The following TCF7L2 variants were observed in gnomAD, a reference collection of about 807,000 sequenced individuals.
The protein encoded by TCF7L2 is transcription factor 7-like 2.
TCF7L2 carries 23 observed loss-of-function variants against 77.9 expected under a neutral mutation model. The observed-to-expected ratio is 0.30, with a 90% CI of 0.21 to 0.42. The LOEUF is 0.42. Ranked by LOEUF, TCF7L2 falls within the 10% of genes least tolerant of loss-of-function variation. The probability of loss-of-function intolerance (pLI) is 1.00; values close to 1 mark genes in which losing one functional copy is unlikely to be tolerated. For synonymous variants in TCF7L2, 413 were observed against 340.2 expected (o/e 1.21, Z -2.36); for missense variants, 654 against 793.1 (o/e 0.82, Z 2.11).
chr10:113,069,098 G>A (rs1328829577), intron 5 of TCF7L2, among the ~76,000 whole-genome samples: 2 of 151,916 alleles, frequency 1.3e-5, no homozygotes, highest in East Asian at 3.9e-4. Context: ...GTTTAGAAAG[G>A]AGGGCCCAGG....
intron 4 of TCF7L2, among the ~76,000 whole-genome samples, chr10:113,012,693 A>G (rs898763232): frequency 6.6e-6 from 1 of 152,188 alleles, no homozygotes; most frequent in Non-Finnish European, 1.5e-5. Context: ...TTTGTCATTT[A>G]CATACAAGCA....
chr10:113,044,101 G>A (rs1461270393), intron 5 of TCF7L2, among the ~76,000 whole-genome samples: 1 of 152,134 alleles, frequency 6.6e-6, no homozygotes, highest in Non-Finnish European at 1.5e-5. Flanking sequence ...GTACTTCTTG[G>A]TCTGGTGTGT....
intron 11 of TCF7L2, among the ~76,000 whole-genome samples, chr10:113,157,319 C>T (rs113530629): frequency 8.7e-4 from 133 of 152,198 alleles, no homozygotes; most frequent in African/African-American, 3.0e-3. Flanking sequence ...GGTTTCGCCA[C>T]GTTGGCCAGG....
At chr10:113,005,111 C>G (rs2045297246) in intron 4 of TCF7L2, among the ~76,000 whole-genome samples, 1 of 152,166 alleles carries the variant, frequency 6.6e-6, no homozygotes, top group East Asian at 1.9e-4. Context: ...TTTCCTGGCA[C>G]CTAGCACGTG....
At chr10:113,017,699 A>C (rs940392402) in intron 4 of TCF7L2, among the ~76,000 whole-genome samples, 2 of 152,106 alleles carry the variant, frequency 1.3e-5, no homozygotes, top group African/African-American at 4.8e-5. Flanking sequence ...CAGCAGAGAG[A>C]ATCTCTGAAG....
At chr10:113,147,843 G>C (rs2069807443) in intron 8 of TCF7L2, among the ~76,000 whole-genome samples, 1 of 152,116 alleles carries the variant, frequency 6.6e-6, no homozygotes, top group Admixed American at 6.5e-5. Flanking sequence ...GTTAGTCGAT[G>C]AATTATAGGT....
chr10:113,014,987 A>C (rs2047101249), intron 4 of TCF7L2, among the ~76,000 whole-genome samples: 1 of 151,990 alleles, frequency 6.6e-6, no homozygotes, highest in Non-Finnish European at 1.5e-5. Flanking sequence ...GGAGTTTGAG[A>C]CCAGCCTGGC....
intron 8 of TCF7L2, among the ~76,000 whole-genome samples, chr10:113,149,212 T>G (rs1384375712): frequency 6.6e-6 from 1 of 152,212 alleles, no homozygotes; most frequent in Admixed American, 6.5e-5. Flanking sequence ...AGCCCAAGTG[T>G]CTCCCAAGGG....
At chr10:112,971,983 C>T (rs138219713) in intron 4 of TCF7L2, among the ~76,000 whole-genome samples, 12 of 150,336 alleles carry the variant, frequency 8.0e-5, no homozygotes, top group Admixed American at 3.3e-4. Flanking sequence ...TGCAGTGGTG[C>T]GATCTCGGCT....
At chr10:113,034,731 A>C (rs1288492234) in intron 4 of TCF7L2, among the ~76,000 whole-genome samples, 1 of 152,098 alleles carries the variant, frequency 6.6e-6, no homozygotes, top group Non-Finnish European at 1.5e-5. Context: ...CCCGATCTCT[A>C]CTAAAAATAC....
chr10:113,040,184 C>G (rs2134269541), intron 5 of TCF7L2, 58 bp downstream of exon 5: 1 of 1,490,716 alleles, frequency 6.7e-7, no homozygotes, highest in East Asian at 2.3e-5. Context: ...AAAGAAAATG[C>G]TTTTTTGATG....
chr10:113,134,406 G>T (rs770730539), intron 5 of TCF7L2, among the ~76,000 whole-genome samples: 1 of 152,230 alleles, frequency 6.6e-6, no homozygotes, highest in African/African-American at 2.4e-5. Context: ...GGTTGCACTG[G>T]CTGTGTCTCC....
chr10:112,951,569 T>C lies in TCF7L2; in HGVS notation c.343T>C (p.Tyr115His), dbSNP rs2134205672. 3 of 1,377,370 alleles carry C rather than the reference T, an allele frequency of 2.2e-6. No homozygotes were observed. The highest frequency in any genetic ancestry group is 2.9e-6 in the Non-Finnish European group (3 of 1,038,712). The allele number at this position is 1,377,370 out of a possible 1,614,324, so 85.3% of individuals were successfully genotyped here. The change falls in exon 3 of 14, where the codon TAC becomes CAC. Residue 115 changes from tyrosine to histidine, a missense_variant. Tyr to His is a moderately conservative substitution (Grantham distance 83). Coordinates refer to ENST00000627217, the MANE Select transcript of TCF7L2 (RefSeq NM_001146274.2). The stretch of plus-strand genomic sequence containing the variant: ...CATGATCCCCGACCTGACGAGCCCC[T>C]ACCTCCCCAACGGATCGCTCTCGCC...
intron 5 of TCF7L2, among the ~76,000 whole-genome samples, chr10:113,105,583 T>C (rs943842836): frequency 7.2e-5 from 11 of 152,154 alleles, no homozygotes; most frequent in African/African-American, 2.7e-4. Flanking sequence ...TTTCACTCTT[T>C]AGTTCTGCCT....
intron 5 of TCF7L2, among the ~76,000 whole-genome samples, chr10:113,042,430 T>A (rs1210653590): frequency 2.0e-5 from 3 of 151,952 alleles, no homozygotes; most frequent in Non-Finnish European, 4.4e-5. Flanking sequence ...GATGGGCTGG[T>A]GGAGGAAGGT....
At chr10:113,113,747 C>T (rs1200623315) in intron 5 of TCF7L2, among the ~76,000 whole-genome samples, 1 of 152,112 alleles carries the variant, frequency 6.6e-6, no homozygotes, top group Non-Finnish European at 1.5e-5. Flanking sequence ...TAAATAATGA[C>T]GTTTGGGGCA....
chr10:113,153,687 A>C (rs138463125), intron 11 of TCF7L2, among the ~76,000 whole-genome samples: 1 of 152,202 alleles, frequency 6.6e-6, no homozygotes, highest in East Asian at 1.9e-4. Flanking sequence ...ATGTGACCCA[A>C]CCTAACTGCA....
rs529143159 is a variant in TCF7L2, at chr10:113,065,397, A to G, written c.552+25271A>G. Among the ~76,000 whole-genome samples, 258 of 152,332 alleles carry G rather than the reference A, an allele frequency of 1.7e-3. 2 individuals are homozygous for G. Among genetic ancestry groups the G allele is most frequent in the African/African-American group, 5.7e-3 (237 of 41,574 alleles). ...CTTTGTTCCAGCTACCCATGGTGTG[A>G]GTATACCTTACGGGTGCTATTTGGA... On this transcript the variant is annotated intron_variant, in intron 5 of 13. Coordinates refer to ENST00000627217, the MANE Select transcript of TCF7L2 (RefSeq NM_001146274.2).
chr10:113,068,783 C>G (rs1055997052), intron 5 of TCF7L2, among the ~76,000 whole-genome samples: 1 of 152,092 alleles, frequency 6.6e-6, no homozygotes, highest in Non-Finnish European at 1.5e-5. Flanking sequence ...GTACTTGTAC[C>G]TTCATTCTCC....
Sources: allele counts gnomAD v4.1 joint callset (sites outside exome capture counted in the v4.1 genomes callset), GRCh38; gene constraint gnomAD v4.1.1; transcripts MANE v1.5; gene names NCBI Gene and HGNC (gene_info 2026-07-23, HGNC 2026-07-21).